CSNK1G1: variants seen among roughly 807,000 people sequenced by gnomAD.
CSNK1G1 encodes casein kinase I isoform gamma-1.
In CSNK1G1, 22 loss-of-function variants were observed where a neutral mutation model predicts 59.6. That is an observed-to-expected ratio of 0.37 (90% confidence interval 0.26 to 0.53). CSNK1G1 has a LOEUF of 0.53. CSNK1G1 is among the 20% of genes least tolerant of loss of function. CSNK1G1 has a pLI of 0.89. For synonymous variants in CSNK1G1, 179 were observed against 177.1 expected, an observed-to-expected ratio of 1.01 and a Z score of -0.08; for missense variants, 384 against 519.5, an observed-to-expected ratio of 0.74 and a Z score of 2.54.
At chr15:64,221,218 G>T (rs897148969) in intron 4 of CSNK1G1, among the ~76,000 whole-genome samples, 1 of 152,124 alleles carries the variant, frequency 6.6e-6, no homozygotes, top group Non-Finnish European at 1.5e-5. Context: ...TAAAAGTCAG[G>T]CTTGCTTAGA....
At chr15:64,311,343 G>C (rs1013523522) in intron 1 of CSNK1G1, among the ~76,000 whole-genome samples, 1 of 152,164 alleles carries the variant, frequency 6.6e-6, no homozygotes, top group Non-Finnish European at 1.5e-5. Context: ...ACCATGCCCA[G>C]CCTACACACG....
At chr15:64,227,666 T>C (rs1381220953) in intron 4 of CSNK1G1, among the ~76,000 whole-genome samples, 1 of 152,234 alleles carries the variant, frequency 6.6e-6, no homozygotes, top group African/African-American at 2.4e-5. Flanking sequence ...CGGTCTTTTC[T>C]TCACCTAAGT....
At chr15:64,183,879 G>A (rs148910224) in intron 10 of CSNK1G1, among the ~76,000 whole-genome samples, 2,430 of 151,990 alleles carry the variant, frequency 0.016, 74 homozygotes, top group African/African-American at 0.056. Flanking sequence ...GGGACTACAG[G>A]TATGCACCAC....
At chr15:64,314,050 C>T (rs1031737032) in intron 1 of CSNK1G1, among the ~76,000 whole-genome samples, 4 of 152,094 alleles carry the variant, frequency 2.6e-5, no homozygotes, top group African/African-American at 9.7e-5. Context: ...CGGGACGATG[C>T]TACATATCAA....
chr15:64,228,352 G>T (rs1366633960), intron 4 of CSNK1G1, among the ~76,000 whole-genome samples: 1 of 152,150 alleles, frequency 6.6e-6, no homozygotes, highest in Non-Finnish European at 1.5e-5. Context: ...AGCATATAAA[G>T]AAAAGGTATT....
At chr15:64,213,659 T>C (rs1156817868) in intron 6 of CSNK1G1, among the ~76,000 whole-genome samples, 1 of 152,222 alleles carries the variant, frequency 6.6e-6, no homozygotes, top group Non-Finnish European at 1.5e-5. Context: ...CTCACACTGC[T>C]CAGAAACTAA....
In CSNK1G1 at chr15:64,165,755, T is replaced by C. The variant is rs1261827392; in HGVS notation, c.*6176A>G. The C allele has an allele frequency of 2.9e-6, 1 of 340,590 alleles. No individual in the cohort carries two copies. The highest frequency in any genetic ancestry group is 5.3e-6 in the Non-Finnish European group (1 of 190,218). The allele number at this position is 340,590 out of a possible 1,614,324, so 21.1% of individuals were successfully genotyped here. A position where few individuals can be genotyped will look rare whatever the true frequency, so the allele number is the denominator to read the frequency against. ...AAGTAGCCAAGAAAGGTAAGACATT[T>C]TATTTTACATACAAAAAGGGTGCAA... On this transcript the variant is annotated 3_prime_UTR_variant, in exon 12 of 12. Coordinates refer to ENST00000303052, the MANE Select transcript of CSNK1G1 (RefSeq NM_022048.5).
intron 1 of CSNK1G1, among the ~76,000 whole-genome samples, chr15:64,339,237 G>C (rs1302263926): frequency 6.6e-6 from 1 of 152,120 alleles, no homozygotes; most frequent in African/African-American, 2.4e-5. Flanking sequence ...AAATTTGGAG[G>C]CCCTACCCCA....
intron 4 of CSNK1G1, among the ~76,000 whole-genome samples, chr15:64,246,819 A>C (rs1203979115): frequency 6.6e-6 from 1 of 152,082 alleles, no homozygotes; most frequent in African/African-American, 2.4e-5. Context: ...TTTACTGCAA[A>C]GAATCCTATT....
At chr15:64,325,930 A>G (rs1022862446) in intron 1 of CSNK1G1, among the ~76,000 whole-genome samples, 1 of 152,174 alleles carries the variant, frequency 6.6e-6, no homozygotes, top group African/African-American at 2.4e-5. Flanking sequence ...ACATCATGTC[A>G]TATCTTATAT....
chr15:64,308,904 A>C (rs1377259010), intron 1 of CSNK1G1, among the ~76,000 whole-genome samples: 2 of 151,982 alleles, frequency 1.3e-5, no homozygotes, highest in Non-Finnish European at 2.9e-5. Context: ...CTCAAAAAAA[A>C]AAAAAATCCT....
intron 2 of CSNK1G1, among the ~76,000 whole-genome samples, chr15:64,278,942 A>G (rs912658616): frequency 9.2e-5 from 14 of 152,092 alleles, no homozygotes; most frequent in African/African-American, 3.1e-4. Flanking sequence ...TATTTGGACA[A>G]TTTCCTAAAG....
chr15:64,353,462 T>A (rs2016316), intron 1 of CSNK1G1, among the ~76,000 whole-genome samples: 2 of 151,940 alleles, frequency 1.3e-5, no homozygotes, highest in Non-Finnish European at 1.5e-5. Flanking sequence ...CTGGCTAACA[T>A]GATGACACTT....
At chr15:64,345,482 G>A (rs1472147211) in intron 1 of CSNK1G1, among the ~76,000 whole-genome samples, 2 of 152,178 alleles carry the variant, frequency 1.3e-5, no homozygotes, top group Non-Finnish European at 2.9e-5. Context: ...TGTCCTTAGT[G>A]ACAGTTGAAA....
intron 10 of CSNK1G1, among the ~76,000 whole-genome samples, chr15:64,196,420 G>A (rs1270724690): frequency 1.3e-5 from 2 of 151,426 alleles, no homozygotes; most frequent in Non-Finnish European, 2.9e-5. Context: ...TAGGATTCTT[G>A]TTGTGATGGA....
At chr15:64,292,304 T>A (rs184671515) in intron 2 of CSNK1G1, among the ~76,000 whole-genome samples, 2 of 151,964 alleles carry the variant, frequency 1.3e-5, no homozygotes, top group East Asian at 3.9e-4. Context: ...GTCATATAAA[T>A]CCTACATCAA....
rs752396206 is a variant in CSNK1G1, at chr15:64,222,310, C to T, written c.293-5597G>A. ...GGGTCGGGGGAGGGAACTTAGAAGACGGGTCAATAGGTGTAGCACACCACC... is the reference window on the plus strand; with the variant it reads ...GGGTCGGGGGAGGGAACTTAGAAGATGGGTCAATAGGTGTAGCACACCACC... On this transcript the variant is annotated intron_variant, in intron 4 of 11. Coordinates refer to ENST00000303052, the MANE Select transcript of CSNK1G1 (RefSeq NM_022048.5). 2.6e-5 allele frequency among the ~76,000 whole-genome samples: 4 copies of T among 151,428 alleles called. No individual in the cohort carries two copies. The East Asian group carries it at 7.8e-4, about 29-fold the overall frequency.
chr15:64,224,588 G>A (rs771430680), intron 4 of CSNK1G1, among the ~76,000 whole-genome samples: 3 of 152,098 alleles, frequency 2.0e-5, no homozygotes, highest in Non-Finnish European at 2.9e-5. Context: ...ACATGAACCA[G>A]TTAAACATAT....
At chr15:64,191,162 C>T (rs574175668) in intron 10 of CSNK1G1, among the ~76,000 whole-genome samples, 1 of 151,984 alleles carries the variant, frequency 6.6e-6, no homozygotes, top group Non-Finnish European at 1.5e-5. Flanking sequence ...CCCGAGTTCA[C>T]GTCATTCTCC....
Sources: gnomAD v4.1 joint callset for allele counts (sites outside exome capture counted in the v4.1 genomes callset) on GRCh38, gnomAD v4.1.1 for gene constraint, MANE v1.5 for transcripts, NCBI Gene and HGNC (gene_info 2026-07-23, HGNC 2026-07-21) for gene names.